NUP133: variants seen among roughly 807,000 people sequenced by gnomAD.
NUP133 encodes nuclear pore complex protein Nup133.
In NUP133, 66 loss-of-function variants were observed where a neutral mutation model predicts 146.2. The ratio of observed to expected loss-of-function variants is 0.45; its 90% CI spans 0.37 to 0.55. The LOEUF (loss-of-function observed/expected upper bound fraction) is 0.55, where lower values mean the gene tolerates loss of function less well. Ranked by LOEUF, NUP133 falls within the 20% of genes least tolerant of loss-of-function variation. The probability of loss-of-function intolerance (pLI) is 0.00; values close to 1 mark genes in which losing one functional copy is unlikely to be tolerated. For synonymous variants in NUP133, 521 were observed against 498.8 expected (o/e 1.04, Z -0.59); for missense variants, 1,277 against 1,374.8 (o/e 0.93, Z 1.12).
intron 10 of NUP133, 42 bp from the exon 11 acceptor site, chr1:229,486,570 C>T: frequency 6.4e-7 from 1 of 1,554,820 alleles, no homozygotes; most frequent in East Asian, 2.3e-5. Context: ...CTAACAATAA[C>T]AACAAAATGC....
intron 9 of NUP133, among the ~76,000 whole-genome samples, chr1:229,489,042 G>A (rs911848758): frequency 2.2e-4 from 33 of 152,152 alleles, no homozygotes; most frequent in African/African-American, 7.7e-4. Context: ...GAACACTGCT[G>A]AATACAAATA....
chr1:229,459,935 C>T (rs1174264538), intron 20 of NUP133, among the ~76,000 whole-genome samples: 2 of 152,136 alleles, frequency 1.3e-5, no homozygotes, highest in Admixed American at 6.6e-5. Flanking sequence ...CAGGAACCTC[C>T]ATACAGTTTC....
chr1:229,508,017 T>G, intron 1 of NUP133, 51 bp downstream of exon 1: 5 of 1,411,458 alleles, frequency 3.5e-6, no homozygotes, highest in Non-Finnish European at 3.7e-6. Context: ...TCCGGCCCAC[T>G]GCGGCCCGTG....
Position 229,498,118 on chromosome 1 carries a change from G to C in NUP133, c.819+18C>G, listed in dbSNP as rs765015656. ...AACTAAGAAATAAGCTTGTAAAATA[G>C]TTATTTTATAAACTTACTGTGAGAT... On this transcript the variant is annotated intron_variant, in intron 6 of 25. Transcript: ENST00000261396. 3.3e-6 allele frequency: 5 copies of C among 1,511,830 alleles called. No individual in the cohort carries two copies. The Admixed American group carries it at 1.1e-4, about 33-fold the overall frequency. The allele number at this position is 1,511,830 out of a possible 1,614,324, so 93.7% of individuals were successfully genotyped here.
intron 22 of NUP133, among the ~76,000 whole-genome samples, chr1:229,451,670 G>A (rs1364569505): frequency 1.3e-5 from 2 of 151,944 alleles, no homozygotes; most frequent in South Asian, 2.1e-4. Flanking sequence ...TCCTTTAATA[G>A]CAACAATACT....
intron 5 of NUP133, 50 bp downstream of exon 5, chr1:229,499,634 A>T (rs200615639): frequency 1.3e-6 from 2 of 1,555,234 alleles, no homozygotes; most frequent in African/African-American, 2.8e-5. Flanking sequence ...ATTTATTTCC[A>T]AGCCAAATCA....
chr1:229,505,925 C>G, intron 2 of NUP133, 115 bp downstream of exon 2: 1 of 637,348 alleles, frequency 1.6e-6, no homozygotes, highest in South Asian at 2.0e-5. Context: ...ACAGGCCACC[C>G]ATCTCTCACC....
chr1:229,460,840 CTTTGTTCTAA>C, intron 19 of NUP133, 71 bp from the exon 20 acceptor site: 1 of 1,393,386 alleles, frequency 7.2e-7, no homozygotes, highest in African/African-American at 1.4e-5. Flanking sequence ...CAAAACATAA[CTTTGTTCTAA>C]AGGCCTCCAA....
intron 1 of NUP133, among the ~76,000 whole-genome samples, chr1:229,506,494 C>A (rs1428534494): frequency 7.0e-6 from 1 of 143,412 alleles, no homozygotes; most frequent in African/African-American, 2.6e-5. Flanking sequence ...TTGCAGATCT[C>A]AACATTTTTG....
intron 15 of NUP133, 44 bp from the exon 16 acceptor site, chr1:229,466,800 G>C: frequency 6.2e-7 from 1 of 1,603,498 alleles, no homozygotes; most frequent in Non-Finnish European, 8.5e-7. Flanking sequence ...CAAAAATTAT[G>C]GTGATGGGTA....
At chr1:229,476,722 A>G (rs58494243) in intron 13 of NUP133, among the ~76,000 whole-genome samples, 8,800 of 151,996 alleles carry the variant, frequency 0.058, 765 homozygotes, top group African/African-American at 0.19. Flanking sequence ...TCAGGAGTTC[A>G]AGACCAGCCT....
intron 12 of NUP133, among the ~76,000 whole-genome samples, chr1:229,483,335 A>C (rs1219655932): frequency 6.6e-6 from 1 of 152,142 alleles, no homozygotes; most frequent in Non-Finnish European, 1.5e-5. Context: ...TTCCGGGCTC[A>C]AGAGATCCTT....
At chr1:229,473,627 C>A (rs1039141691) in intron 14 of NUP133, among the ~76,000 whole-genome samples, 2 of 152,120 alleles carry the variant, frequency 1.3e-5, no homozygotes, top group Non-Finnish European at 2.9e-5. Context: ...CTCTTCCCAT[C>A]GAGAGGTACA....
intron 12 of NUP133, among the ~76,000 whole-genome samples, chr1:229,482,521 A>C (rs565776853): frequency 6.6e-6 from 1 of 152,238 alleles, no homozygotes; most frequent in Non-Finnish European, 1.5e-5. Context: ...CTGGATCACC[A>C]TTTTCCTGAG....
At chr1:229,473,367 C>T (rs773546391) in intron 14 of NUP133, among the ~76,000 whole-genome samples, 27 of 152,074 alleles carry the variant, frequency 1.8e-4, no homozygotes, top group Non-Finnish European at 2.9e-4. Flanking sequence ...GAAATAGAAA[C>T]ATAAAAGGCA....
Position 229,470,619 on chromosome 1 carries a change from G to C in NUP133, c.2037C>G (p.Ile679Met), listed in dbSNP as rs752092510. 6.2e-7 allele frequency: 1 copy of C among 1,614,176 alleles called. No homozygotes were observed. Among genetic ancestry groups the C allele is most frequent in the Non-Finnish European group, 8.5e-7 (1 of 1,180,030 alleles). The change falls in exon 15 of 26, where the codon ATC becomes ATG. Residue 679 changes from isoleucine to methionine, a missense_variant. Physicochemically the swap from Ile to Met is conservative, Grantham distance 10 (BLOSUM62 1). Around this residue, in one of 3 missense-constraint regions of NUP133, gnomAD observed 952 missense variants for 1,047.0 expected, o/e 0.91. Transcript: ENST00000261396. ...CATCTGCAGGAGTCAGGTTGGATGGGATTTCATACTCCCTCTTGTTCAAAG... is the reference window on the plus strand; with the variant it reads ...CATCTGCAGGAGTCAGGTTGGATGGCATTTCATACTCCCTCTTGTTCAAAG... ...LIALNKREYE[I>M]PSNLTPADVF... is the part of the protein sequence containing the mutation.
intron 21 of NUP133, among the ~76,000 whole-genome samples, chr1:229,457,577 TA>T (rs544186379): frequency 1.4e-3 from 220 of 152,372 alleles, no homozygotes; most frequent in Admixed American, 2.4e-3. Context: ...ATTGGTTTTT[TA>T]AAATTTGCAT....
At chr1:229,459,930 A>G (rs1018659856) in intron 20 of NUP133, among the ~76,000 whole-genome samples, 1 of 152,042 alleles carries the variant, frequency 6.6e-6, no homozygotes. Flanking sequence ...TTTTTCAGGA[A>G]CCTCCATACA....
At chr1:229,479,912 G>A (rs1478053875) in intron 12 of NUP133, among the ~76,000 whole-genome samples, 2 of 152,138 alleles carry the variant, frequency 1.3e-5, no homozygotes, top group Admixed American at 6.5e-5. Context: ...CTCAAAGGAC[G>A]CAAAGTCAAA....
Sources: allele counts gnomAD v4.1 joint callset (sites outside exome capture counted in the v4.1 genomes callset), GRCh38; gene constraint gnomAD v4.1.1; regional missense constraint gnomAD v4.1.1; transcripts MANE v1.5; gene names NCBI Gene and HGNC (gene_info 2026-07-23, HGNC 2026-07-21).